Variants in GBF1 observed in about 807,000 individuals in gnomAD.
GBF1 encodes Golgi-specific brefeldin A-resistance guanine nucleotide exchange factor 1.
Under a neutral mutation model 210.5 loss-of-function variants are expected in GBF1, and 114 were observed. The ratio of observed to expected loss-of-function variants is 0.54; its 90% CI spans 0.47 to 0.63. GBF1 has a LOEUF of 0.63. GBF1 is among the 30% of genes least tolerant of loss of function. GBF1 has a pLI of 0.00. For synonymous variants in GBF1, 850 were observed against 889.2 expected, an observed-to-expected ratio of 0.96 and a Z score of 0.78; for missense variants, 1,851 against 2,357.7, an observed-to-expected ratio of 0.79 and a Z score of 4.45.
chr10:102,362,649 C>T lies in GBF1; in HGVS notation c.1861C>T (p.Arg621Ter), dbSNP rs766618538. 1 of 1,613,440 alleles carries T rather than the reference C, an allele frequency of 6.2e-7. No individual in the cohort carries two copies. Among genetic ancestry groups the T allele is most frequent in the Non-Finnish European group, 8.5e-7 (1 of 1,179,382 alleles). The change falls in exon 15 of 40, where the codon CGA becomes TGA. Residue 621 changes from arginine (R) to a stop codon, truncating the protein, a stop_gained. Coordinates refer to ENST00000369983, the MANE Select transcript of GBF1 (RefSeq NM_001377137.1). LOFTEE classifies it high-confidence loss of function. ...RPSCEIVDGT[R>*]EASNTERTAS... is the part of the protein sequence containing the mutation. ...AAGCTGTGAGATAGTAGATGGCACC[C>T]GAGAAGCTAGCAATAGTGAGAGGCA...
Position 102,331,446 on chromosome 10 carries a change from T to C in GBF1, c.164-12605T>C, listed in dbSNP as rs565743940. On this transcript the variant is annotated intron_variant, in intron 3 of 39. Transcript: ENST00000369983. The stretch of plus-strand genomic sequence containing the variant: ...GGTGTATACATTCAGGAACTCCTCA[T>C]GTTTAATCAGAGAGTTAAGGTTTGG... 2.8e-3 allele frequency among the ~76,000 whole-genome samples: 432 copies of C among 152,144 alleles called. 1 individual carries two copies. The highest frequency in any genetic ancestry group is 5.0e-3 in the Non-Finnish European group (343 of 67,992).
intron 29 of GBF1, among the ~76,000 whole-genome samples, chr10:102,372,927 G>A (rs574250495): frequency 2.0e-5 from 3 of 152,242 alleles, no homozygotes; most frequent in South Asian, 4.2e-4. Flanking sequence ...GAACAGATCC[G>A]GGGGAGACTC....
intron 3 of GBF1, among the ~76,000 whole-genome samples, chr10:102,289,364 G>A (rs1382436514): frequency 6.6e-6 from 1 of 152,170 alleles, no homozygotes; most frequent in East Asian, 1.9e-4. Context: ...GTGACAGGAG[G>A]TGGGTGGAAG....
intron 8 of GBF1, 132 bp from the exon 9 acceptor site, chr10:102,357,907 C>G: frequency 1.4e-6 from 1 of 694,040 alleles, no homozygotes; most frequent in Non-Finnish European, 2.5e-6. Flanking sequence ...AACTGATGGT[C>G]TAGAGTCTTA....
Position 102,370,745 on chromosome 10 carries a change from A to T in GBF1, c.3545A>T (p.His1182Leu), listed in dbSNP as rs758532032. 1.1e-5 allele frequency: 17 copies of T among 1,613,926 alleles called. No homozygotes were observed. The Admixed American group carries it at 2.8e-4, about 27-fold the overall frequency. ...VGCVWQTVRDHLYHLCVQAQD... is the reference protein window; with the variant it reads ...VGCVWQTVRDLLYHLCVQAQD... Reference sequence around the variant, plus strand: ...TGTGTGTGGCAGACTGTTCGAGACCATCTATACCACCTCTGTGTTCAGGCA... The same window carrying T: ...TGTGTGTGGCAGACTGTTCGAGACCTTCTATACCACCTCTGTGTTCAGGCA... Residue 1182 changes from histidine (H) to leucine (L), a missense_variant, in exon 29 of 40, where the codon CAT becomes CTT. By Grantham distance (99) the His-to-Leu change is moderately conservative (BLOSUM62 -3). Coordinates refer to ENST00000369983, the MANE Select transcript of GBF1 (RefSeq NM_001377137.1).
intron 3 of GBF1, among the ~76,000 whole-genome samples, chr10:102,282,225 G>T (rs928520480): frequency 1.3e-5 from 2 of 151,870 alleles, no homozygotes; most frequent in Non-Finnish European, 2.9e-5. Context: ...GTGAGCCACC[G>T]CGCCCGGCCG....
At chr10:102,240,585 C>T (rs1479238188), upstream of GBF1, among the ~76,000 whole-genome samples, 3 of 152,214 alleles carry the variant, frequency 2.0e-5, no homozygotes, top group Non-Finnish European at 4.4e-5. Flanking sequence ...TTCTGTCCGC[C>T]ACTGCCAGAC....
intron 11 of GBF1, among the ~76,000 whole-genome samples, chr10:102,359,973 C>T (rs958860471): frequency 3.3e-5 from 5 of 151,952 alleles, no homozygotes; most frequent in South Asian, 2.1e-4. Context: ...TCTGTGTTGC[C>T]TGGGCTGGTC....
intron 1 of GBF1, among the ~76,000 whole-genome samples, chr10:102,247,804 T>C (rs568308724): frequency 6.6e-6 from 1 of 152,322 alleles, no homozygotes; most frequent in African/African-American, 2.4e-5. Context: ...AGACAGTATG[T>C]TCCAGTCTTG....
the GBF1 span, chr10:102,231,986 C>T: frequency 6.2e-7 from 1 of 1,610,704 alleles, no homozygotes; most frequent in Non-Finnish European, 8.5e-7. Context: ...GCCCTTGCAG[C>T]CGTGCTCTGG....
chr10:102,271,431 A>G (rs2074407291), intron 3 of GBF1, among the ~76,000 whole-genome samples: 1 of 148,628 alleles, frequency 6.7e-6, no homozygotes, highest in Non-Finnish European at 1.5e-5. Context: ...CAATCCTCCC[A>G]CCTTAACCTC....
At chr10:102,288,833 G>C (rs1417815563) in intron 3 of GBF1, among the ~76,000 whole-genome samples, 2 of 151,988 alleles carry the variant, frequency 1.3e-5, no homozygotes, top group African/African-American at 2.4e-5. Context: ...GCATGTGGTG[G>C]CTCACGCCTG....
At chr10:102,268,047 A>G (rs1291819125) in intron 3 of GBF1, among the ~76,000 whole-genome samples, 15 of 152,170 alleles carry the variant, frequency 9.9e-5, no homozygotes, top group Admixed American at 9.8e-4. Flanking sequence ...TAGCTCCAAG[A>G]GGCCTATATT....
intron 29 of GBF1, among the ~76,000 whole-genome samples, chr10:102,374,078 A>G (rs1223381042): frequency 6.6e-6 from 1 of 152,188 alleles, no homozygotes; most frequent in African/African-American, 2.4e-5. Context: ...GGCTGGGCGC[A>G]GTGGCTCACA....
chr10:102,315,594 C>T (rs2078858401), intron 3 of GBF1, among the ~76,000 whole-genome samples: 1 of 152,106 alleles, frequency 6.6e-6, no homozygotes, highest in South Asian at 2.1e-4. Context: ...ATAAGGAGCA[C>T]CAACCTAGAT....
At chr10:102,310,263 A>G (rs1177156536) in intron 3 of GBF1, among the ~76,000 whole-genome samples, 1 of 152,236 alleles carries the variant, frequency 6.6e-6, no homozygotes, top group Non-Finnish European at 1.5e-5. Flanking sequence ...TGTTCTATTG[A>G]TCAAAAGGAG....
rs766571902 is a variant in GBF1 at position 102,380,764 on chromosome 10, T to C, written c.5173+78T>C. ...GGCTCACACCTCTAATCCCAGCACT[T>C]TGAGAGGCCGAGGTGGGTGGATCAC... On this transcript the variant is annotated intron_variant, in intron 38 of 39. Transcript: ENST00000369983. 79 of 1,232,054 alleles carry C rather than the reference T, an allele frequency of 6.4e-5. 1 individual carries two copies. Among genetic ancestry groups the C allele is most frequent in the Non-Finnish European group, 8.4e-5 (74 of 876,402 alleles). The allele number at this position is 1,232,054 out of a possible 1,614,324, so 76.3% of individuals were successfully genotyped here. A position where few individuals can be genotyped will look rare whatever the true frequency, so the allele number is the denominator to read the frequency against.
At chr10:102,232,167 C>T in the GBF1 span, 3 of 820,606 alleles carry the variant, frequency 3.7e-6, no homozygotes, top group Non-Finnish European at 6.1e-6. Flanking sequence ...AGCAGCGTTT[C>T]CTCGTAAATT....
intron 4 of GBF1, among the ~76,000 whole-genome samples, chr10:102,345,861 A>G (rs2058529454): frequency 6.6e-6 from 1 of 151,962 alleles, no homozygotes; most frequent in African/African-American, 2.4e-5. Flanking sequence ...TATTACCCCA[A>G]ATAGAAACTT....
Sources: allele counts gnomAD v4.1 joint callset (sites outside exome capture counted in the v4.1 genomes callset), GRCh38; gene constraint gnomAD v4.1.1; transcripts MANE v1.5; gene names NCBI Gene and HGNC (gene_info 2026-07-23, HGNC 2026-07-21).